DIS3L2: variants seen among roughly 807,000 people sequenced by gnomAD.
The protein encoded by DIS3L2 is DIS3 like 3'-5' exoribonuclease 2.
A neutral mutation model predicts 97.5 loss-of-function variants in DIS3L2; 34 were observed. The observed-to-expected ratio is 0.35, with a 90% CI of 0.27 to 0.46. The LOEUF (loss-of-function observed/expected upper bound fraction) is 0.46. Ranked by LOEUF, DIS3L2 falls within the 20% of genes least tolerant of loss-of-function variation. The pLI, the probability that DIS3L2 is intolerant of heterozygous loss-of-function variation, is 1.00. For synonymous variants in DIS3L2, 435 were observed against 445.2 expected, an observed-to-expected ratio of 0.98 and a Z score of 0.29; for missense variants, 1,038 against 1,146.0, an observed-to-expected ratio of 0.91 and a Z score of 1.36.
chr2:232,144,958 T>G (rs1690178715), intron 8 of DIS3L2, among the ~76,000 whole-genome samples: 1 of 152,224 alleles, frequency 6.6e-6, no homozygotes, highest in African/African-American at 2.4e-5. Context: ...TAAGTAATAC[T>G]GGTGATGTTC....
intron 8 of DIS3L2, among the ~76,000 whole-genome samples, chr2:232,146,720 A>T (rs1176985826): frequency 2.6e-5 from 4 of 152,204 alleles, no homozygotes; most frequent in African/African-American, 9.7e-5. Flanking sequence ...GCTGAAGGTG[A>T]GATGTGTTTC....
chr2:232,330,569 G>T, intron 15 of DIS3L2, 121 bp from the exon 16 acceptor site: 1 of 1,009,326 alleles, frequency 9.9e-7, no homozygotes. Flanking sequence ...GAGCAGGGCT[G>T]AGCCCCACAG....
At chr2:231,967,495 C>T (rs1692756556) in intron 1 of DIS3L2, among the ~76,000 whole-genome samples, 1 of 152,142 alleles carries the variant, frequency 6.6e-6, no homozygotes, top group African/African-American at 2.4e-5. Context: ...CCACTGTTAG[C>T]TTTAATCACT....
At chr2:232,311,113 C>T (rs912996455) in intron 14 of DIS3L2, among the ~76,000 whole-genome samples, 1 of 152,230 alleles carries the variant, frequency 6.6e-6, no homozygotes, top group African/African-American at 2.4e-5. Flanking sequence ...AGACCTTCAG[C>T]TCTTTCTGGC....
intron 13 of DIS3L2, among the ~76,000 whole-genome samples, chr2:232,291,736 G>C (rs1474314092): frequency 6.6e-6 from 1 of 152,248 alleles, no homozygotes; most frequent in African/African-American, 2.4e-5. Context: ...GCTCATTCAT[G>C]GAGTAGTCTG....
chr2:232,342,014 A>G (rs965989997), downstream of DIS3L2, among the ~76,000 whole-genome samples: 1 of 152,184 alleles, frequency 6.6e-6, no homozygotes, highest in African/African-American at 2.4e-5. Context: ...TTTGTGATCA[A>G]AATATAGACG....
intron 14 of DIS3L2, among the ~76,000 whole-genome samples, chr2:232,302,745 G>A (rs1694890822): frequency 6.6e-6 from 1 of 151,828 alleles, no homozygotes; most frequent in Middle Eastern, 3.2e-3. Flanking sequence ...ATTTTTAGTA[G>A]AGATGGGGTT....
chr2:232,077,209 T>C (rs1696217802), intron 5 of DIS3L2, among the ~76,000 whole-genome samples: 1 of 151,876 alleles, frequency 6.6e-6, no homozygotes, highest in Non-Finnish European at 1.5e-5. Context: ...TTCTCTGTCT[T>C]CCGGAGCATA....
intron 5 of DIS3L2, among the ~76,000 whole-genome samples, chr2:232,041,106 T>C (rs1453256301): frequency 6.6e-6 from 1 of 152,192 alleles, no homozygotes; most frequent in Non-Finnish European, 1.5e-5. Flanking sequence ...CTAGTGGTTG[T>C]ATCTTAGGAC....
chr2:232,206,543 AT>A (rs972152055), intron 9 of DIS3L2, among the ~76,000 whole-genome samples: 3 of 152,118 alleles, frequency 2.0e-5, no homozygotes, highest in Non-Finnish European at 4.4e-5. Context: ...TTGATTTTTT[AT>A]TTTTTAGTCA....
At chr2:232,220,026 T>A (rs942134354) in intron 10 of DIS3L2, among the ~76,000 whole-genome samples, 3 of 152,158 alleles carry the variant, frequency 2.0e-5, no homozygotes, top group Non-Finnish European at 4.4e-5. Context: ...AATCCTAGCA[T>A]TTTGGGAGAC....
At chr2:232,220,622 G>A (rs367577338) in intron 10 of DIS3L2, among the ~76,000 whole-genome samples, 5 of 151,590 alleles carry the variant, frequency 3.3e-5, no homozygotes, top group Admixed American at 6.6e-5. Flanking sequence ...CAAGAGAATC[G>A]CTTGAACCCG....
chr2:232,097,256 C>A (rs189727793), intron 6 of DIS3L2, among the ~76,000 whole-genome samples: 1 of 152,174 alleles, frequency 6.6e-6, no homozygotes, highest in African/African-American at 2.4e-5. Context: ...CTTACTTTCT[C>A]CTAAACAAAC....
At chr2:232,267,591 C>G (rs960261528) in intron 13 of DIS3L2, among the ~76,000 whole-genome samples, 1 of 152,156 alleles carries the variant, frequency 6.6e-6, no homozygotes, top group Non-Finnish European at 1.5e-5. Flanking sequence ...AACAGGGGCC[C>G]AGACTTTTTT....
At chr2:232,008,758 T>C (rs1000776540) in intron 1 of DIS3L2, among the ~76,000 whole-genome samples, 3 of 152,194 alleles carry the variant, frequency 2.0e-5, no homozygotes, top group Non-Finnish European at 4.4e-5. Context: ...ACATGTGGAC[T>C]TCCTTATTAG....
At chr2:232,122,191 A>G (rs544599361) in intron 6 of DIS3L2, among the ~76,000 whole-genome samples, 1 of 152,316 alleles carries the variant, frequency 6.6e-6, no homozygotes, top group East Asian at 1.9e-4. Flanking sequence ...CACCAGGCAC[A>G]CAGAAAAATA....
chr2:232,213,698 T>G (rs1034296047), intron 10 of DIS3L2, among the ~76,000 whole-genome samples: 3 of 138,056 alleles, frequency 2.2e-5, no homozygotes, highest in Non-Finnish European at 4.8e-5. Context: ...GTGTAAAGTT[T>G]AACTTTCCTT....
downstream of DIS3L2, chr2:232,337,217 G>A: frequency 3.3e-6 from 3 of 900,534 alleles, no homozygotes; most frequent in Non-Finnish European, 3.8e-6. Flanking sequence ...CCATCACCCT[G>A]ACGAATGTGA....
chr2:232,325,940 C>T lies in DIS3L2; in HGVS notation c.1740-3873C>T, dbSNP rs1695559745. 6.6e-6 allele frequency among the ~76,000 whole-genome samples: 1 copy of T among 152,236 alleles called. No individual in the cohort carries two copies. The highest frequency in any genetic ancestry group is 2.1e-4 in the South Asian group (1 of 4,834). On this transcript the variant is annotated intron_variant, in intron 14 of 20. Coordinates refer to ENST00000325385, the MANE Select transcript of DIS3L2 (RefSeq NM_152383.5). This position sits in a 1 kb window ranked among gnomAD's most constrained non-coding sequence, Gnocchi z 4.6. ...CCTCCCGTCCAGCAGCCCCAGTGCC[C>T]ACTCTGCGCCCTTCGGGGCTCCCGT...
Sources: gnomAD v4.1 joint callset for allele counts (sites outside exome capture counted in the v4.1 genomes callset) on GRCh38, gnomAD v4.1.1 for gene constraint, Gnocchi (gnomAD v3.1) non-coding constraint, MANE v1.5 for transcripts, NCBI Gene and HGNC (gene_info 2026-07-23, HGNC 2026-07-21) for gene names.